GTF2H5: variants seen among roughly 807,000 people sequenced by gnomAD.
GTF2H5 encodes general transcription factor IIH subunit 5.
Under a neutral mutation model 7.1 loss-of-function variants are expected in GTF2H5, and 5 were observed. The observed-to-expected ratio is 0.71, with a 90% CI of 0.37 to 1.49. The LOEUF is 1.49. Ranked by LOEUF, GTF2H5 falls within the 40% of genes most tolerant of loss-of-function variation. The pLI, the probability that GTF2H5 is intolerant of heterozygous loss-of-function variation, is 0.03. For missense variants in GTF2H5, 80 were observed against 83.0 expected (o/e 0.96, Z 0.14); for synonymous variants, 30 against 31.7 (o/e 0.95, Z 0.18).
intron 2 of GTF2H5, among the ~76,000 whole-genome samples, chr6:158,187,666 C>G (rs1776952461): frequency 6.6e-6 from 1 of 152,148 alleles, no homozygotes; most frequent in South Asian, 2.1e-4. Flanking sequence ...CTCCCAGGTT[C>G]ATGCCATTCT....
chr6:158,169,529 A>T (rs868702485), intron 1 of GTF2H5, among the ~76,000 whole-genome samples: 6,549 of 55,458 alleles, frequency 0.12, 1,095 homozygotes, highest in African/African-American at 0.17. Context: ...TATAATATAC[A>T]GTATATTATA....
At chr6:158,188,109 T>C (rs1031797928) in intron 2 of GTF2H5, among the ~76,000 whole-genome samples, 4 of 152,208 alleles carry the variant, frequency 2.6e-5, no homozygotes, top group Admixed American at 1.3e-4. Flanking sequence ...ACCTCTATGA[T>C]TTTTATAGAA....
chr6:158,191,855 G>T, intron 2 of GTF2H5, 122 bp from the exon 3 acceptor site: 1 of 751,868 alleles, frequency 1.3e-6, no homozygotes, highest in Non-Finnish European at 2.3e-6. Flanking sequence ...GGAAGTGAGG[G>T]ATTGAGTAAC....
chr6:158,192,320 C>G lies in GTF2H5; in HGVS notation c.*163C>G, dbSNP rs557576584. The G allele has an allele frequency of 3.3e-6, 2 of 604,520 alleles. No homozygotes were observed. The highest frequency in any genetic ancestry group is 5.8e-6 in the Non-Finnish European group (2 of 343,070). 37.4% of individuals were successfully genotyped at this position (604,520 alleles called of 1,614,324 possible). A position where few individuals can be genotyped will look rare whatever the true frequency, so the allele number is the denominator to read the frequency against. ...TTTGTTCAGAAAAAAAGCCCCTGAA[C>G]TGATTTTGTTACCATAGAATTTAAA... On this transcript the variant is annotated 3_prime_UTR_variant, in exon 3 of 3. Transcript: ENST00000607778.
intron 1 of GTF2H5, 35 bp from the exon 2 acceptor site, chr6:158,170,435 T>G (rs1785839186): frequency 7.8e-7 from 1 of 1,282,174 alleles, no homozygotes; most frequent in Non-Finnish European, 1.1e-6. Context: ...AAGTTAATGA[T>G]TTTTAATTTA....
In GTF2H5 at chr6:158,193,346, G is replaced by A. The variant is rs900614016; in HGVS notation, c.*1189G>A. 1 of 152,086 alleles carries A rather than the reference G, an allele frequency of 6.6e-6. No individual in the cohort carries two copies. Among genetic ancestry groups the A allele is most frequent in the African/African-American group, 2.4e-5 (1 of 41,422 alleles). The allele number at this position is 152,086 out of a possible 1,614,324, so 9.4% of individuals were successfully genotyped here. Reference sequence around the variant, plus strand: ...AGAGAGAGTTCTGTGATCAATTGAAGGCAAAAACAGTAACACTGAGAGGGG... The same window carrying A: ...AGAGAGAGTTCTGTGATCAATTGAAAGCAAAAACAGTAACACTGAGAGGGG... On this transcript the variant is annotated 3_prime_UTR_variant, in exon 3 of 3. Coordinates refer to ENST00000607778, the MANE Select transcript of GTF2H5 (RefSeq NM_207118.3).
chr6:158,186,218 G>A (rs990114248), intron 2 of GTF2H5, among the ~76,000 whole-genome samples: 1 of 152,210 alleles, frequency 6.6e-6, no homozygotes, highest in African/African-American at 2.4e-5. Context: ...GAAAGCATTG[G>A]TGTGATGATT....
intron 2 of GTF2H5, among the ~76,000 whole-genome samples, chr6:158,173,681 G>A (rs1785888556): frequency 6.6e-6 from 1 of 151,882 alleles, no homozygotes; most frequent in Admixed American, 6.6e-5. Context: ...TGGAAGCCAA[G>A]TTGGTTTTTG....
At chr6:158,176,447 G>A (rs1429074981) in intron 2 of GTF2H5, among the ~76,000 whole-genome samples, 3 of 152,098 alleles carry the variant, frequency 2.0e-5, no homozygotes, top group African/African-American at 7.2e-5. Context: ...GGCTGGTCTT[G>A]AACTCCTGAC....
intron 2 of GTF2H5, among the ~76,000 whole-genome samples, chr6:158,181,524 C>T (rs1206225808): frequency 3.3e-5 from 5 of 152,192 alleles, no homozygotes; most frequent in Non-Finnish European, 1.5e-5. Flanking sequence ...TTGTAGGTCT[C>T]TAAGAACTTG....
At chr6:158,190,889 T>C (rs1417859637) in intron 2 of GTF2H5, 2 of 512,340 alleles carry the variant, frequency 3.9e-6, no homozygotes, top group African/African-American at 1.9e-5. Context: ...TTTGTCATGA[T>C]TCAAGGTTTT....
At chr6:158,190,099 C>T (rs1378759691) in intron 2 of GTF2H5, among the ~76,000 whole-genome samples, 1 of 151,634 alleles carries the variant, frequency 6.6e-6, no homozygotes, top group Non-Finnish European at 1.5e-5. Context: ...GTCAGGGTCT[C>T]ACTGTGCTGT....
In GTF2H5 at chr6:158,195,368, G is replaced by C. The variant is rs1777092910; in HGVS notation, c.*3211G>C. ...AATAAAGGTTTTTTCTTTTAATACTGTATTAGGTCAAATTCAAGGTCTTAA... is the reference window on the plus strand; with the variant it reads ...AATAAAGGTTTTTTCTTTTAATACTCTATTAGGTCAAATTCAAGGTCTTAA... On this transcript the variant is annotated 3_prime_UTR_variant, in exon 3 of 3. Coordinates refer to ENST00000607778, the MANE Select transcript of GTF2H5 (RefSeq NM_207118.3). 6.6e-6 allele frequency: 1 copy of C among 152,112 alleles called. No homozygotes were observed. Among genetic ancestry groups the C allele is most frequent in the Non-Finnish European group, 1.5e-5 (1 of 68,020 alleles). 9.4% of individuals were successfully genotyped at this position (152,112 alleles called of 1,614,324 possible).
intron 2 of GTF2H5, among the ~76,000 whole-genome samples, chr6:158,172,061 C>CTT (rs3041445): frequency 0.38 from 57,977 of 151,790 alleles, 12,512 homozygotes; most frequent in African/African-American, 0.57. Context: ...TTTTTTCCCT[C>CTT]GTTTCTTCCA....
chr6:158,176,700 G>T (rs1785939627), intron 2 of GTF2H5, among the ~76,000 whole-genome samples: 1 of 152,120 alleles, frequency 6.6e-6, no homozygotes, highest in African/African-American at 2.4e-5. Context: ...AGAGGTGTGG[G>T]GTGAGAAATC....
In GTF2H5 at chr6:158,170,459, C is replaced by G. The variant is rs1276075334; in HGVS notation, c.-34-11C>G. The G allele has an allele frequency of 6.6e-7, 1 of 1,515,952 alleles. No homozygotes were observed. The highest frequency in any genetic ancestry group is 9.2e-7 in the Non-Finnish European group (1 of 1,090,704). The allele number at this position is 1,515,952 out of a possible 1,614,324, so 93.9% of individuals were successfully genotyped here. A position where few individuals can be genotyped will look rare whatever the true frequency, so the allele number is the denominator to read the frequency against. On this transcript the variant is annotated splice_polypyrimidine_tract_variant and intron_variant, in intron 1 of 2. Coordinates refer to ENST00000607778, the MANE Select transcript of GTF2H5 (RefSeq NM_207118.3). ...ATTTTTAATTTAATGTTACCTTACT[C>G]TTTTTATTAGCATTCTTCAGGTCAT...
chr6:158,189,712 C>T (rs1475028752), intron 2 of GTF2H5, among the ~76,000 whole-genome samples: 1 of 152,194 alleles, frequency 6.6e-6, no homozygotes, highest in Non-Finnish European at 1.5e-5. Context: ...TTCCAGTCTA[C>T]CTTTCTGGTC....
intron 2 of GTF2H5, among the ~76,000 whole-genome samples, chr6:158,177,978 C>G (rs1319883792): frequency 6.6e-6 from 1 of 152,136 alleles, no homozygotes; most frequent in Non-Finnish European, 1.5e-5. Flanking sequence ...CATTGATGGA[C>G]ATTTGGGTTG....
chr6:158,186,905 G>A (rs1289447726), intron 2 of GTF2H5, among the ~76,000 whole-genome samples: 4 of 152,212 alleles, frequency 2.6e-5, no homozygotes, highest in African/African-American at 9.7e-5. Flanking sequence ...AAGAGCTGTG[G>A]AGACCAAGGT....
Sources: gnomAD v4.1 joint callset for allele counts (sites outside exome capture counted in the v4.1 genomes callset) on GRCh38, gnomAD v4.1.1 for gene constraint, MANE v1.5 for transcripts, NCBI Gene and HGNC (gene_info 2026-07-23, HGNC 2026-07-21) for gene names.